The following GRID2 variants were observed in gnomAD, a reference collection of about 807,000 sequenced individuals.
GRID2 encodes glutamate receptor ionotropic, delta-2.
Under a neutral mutation model 114.8 loss-of-function variants are expected in GRID2, and 33 were observed. The observed-to-expected ratio is 0.29, with a 90% CI of 0.22 to 0.38. The LOEUF is 0.38. Ranked by LOEUF, GRID2 falls within the 10% of genes least tolerant of loss-of-function variation. The pLI is 1.00. For missense variants in GRID2, 1,184 were observed against 1,257.7 expected, an observed-to-expected ratio of 0.94 and a Z score of 0.89; for synonymous variants, 505 against 449.9, an observed-to-expected ratio of 1.12 and a Z score of -1.55.
At chr4:92,784,984 A>G (rs2149360725) in intron 2 of GRID2, among the ~76,000 whole-genome samples, 2 of 151,878 alleles carry the variant, frequency 1.3e-5, no homozygotes, top group Middle Eastern at 6.8e-3. Context: ...TTATATCATA[A>G]ATCCTTTTAG....
chr4:93,339,940 G>GAGCATTA (rs1272163515), intron 8 of GRID2, among the ~76,000 whole-genome samples: 2 of 152,086 alleles, frequency 1.3e-5, no homozygotes, highest in East Asian at 3.9e-4. Context: ...GAAGAGCATT[G>GAGCATTA]GGGAAACCGC....
At chr4:92,445,995 A>G (rs1026577216) in intron 1 of GRID2, among the ~76,000 whole-genome samples, 2 of 152,140 alleles carry the variant, frequency 1.3e-5, no homozygotes, top group South Asian at 2.1e-4. Context: ...CCCAGGCTGG[A>G]GTGCAGTGGC....
chr4:93,062,223 G>T (rs561199296), intron 2 of GRID2, among the ~76,000 whole-genome samples: 87 of 152,124 alleles, frequency 5.7e-4, no homozygotes, highest in African/African-American at 2.0e-3. Context: ...TATAAAATAT[G>T]CTGTATCTTT....
intron 2 of GRID2, among the ~76,000 whole-genome samples, chr4:92,952,137 G>A (rs1752083915): frequency 6.6e-6 from 1 of 152,160 alleles, no homozygotes; most frequent in African/African-American, 2.4e-5. Flanking sequence ...CAAAGGATTT[G>A]TACCAATGTG....
chr4:93,363,549 C>T (rs961513213), intron 8 of GRID2, among the ~76,000 whole-genome samples: 1 of 151,780 alleles, frequency 6.6e-6, no homozygotes, highest in Non-Finnish European at 1.5e-5. Flanking sequence ...CTAATTAATT[C>T]TTGTTTTGTT....
chr4:92,690,958 T>A (rs1734153918), intron 2 of GRID2, among the ~76,000 whole-genome samples: 1 of 152,084 alleles, frequency 6.6e-6, no homozygotes, highest in South Asian at 2.1e-4. Context: ...GAGAGTTAGT[T>A]TAGAATGATG....
At chr4:93,638,244 T>C (rs1316725682) in intron 14 of GRID2, among the ~76,000 whole-genome samples, 1 of 151,682 alleles carries the variant, frequency 6.6e-6, no homozygotes, top group African/African-American at 2.4e-5. Context: ...ATGATCAAAA[T>C]CAACATGTTT....
intron 1 of GRID2, among the ~76,000 whole-genome samples, chr4:92,353,253 A>T (rs1298199333): frequency 5.5e-5 from 8 of 144,996 alleles, no homozygotes; most frequent in Admixed American, 1.4e-4. Context: ...TGCTTTATCA[A>T]TTTTTTTTTT....
chr4:93,397,221 A>T (rs184861084), intron 9 of GRID2, among the ~76,000 whole-genome samples: 1 of 152,074 alleles, frequency 6.6e-6, no homozygotes, highest in Non-Finnish European at 1.5e-5. Context: ...CCCATAAATT[A>T]TTCCTAGTTA....
chr4:92,903,075 T>C (rs1000153899), intron 2 of GRID2, among the ~76,000 whole-genome samples: 1 of 151,988 alleles, frequency 6.6e-6, no homozygotes, highest in East Asian at 1.9e-4. Flanking sequence ...GGATTTTTTT[T>C]CCTAATTCTG....
chr4:93,033,119 A>G (rs1020177845), intron 2 of GRID2, among the ~76,000 whole-genome samples: 4 of 152,186 alleles, frequency 2.6e-5, no homozygotes, highest in Admixed American at 6.6e-5. Flanking sequence ...AGACCTATGC[A>G]TATTAATTTG....
intron 13 of GRID2, among the ~76,000 whole-genome samples, chr4:93,625,906 C>T (rs910777522): frequency 4.7e-5 from 7 of 149,532 alleles, no homozygotes; most frequent in African/African-American, 1.8e-4. Flanking sequence ...CAGAGCAAGA[C>T]TCCGTCTCAG....
At chr4:92,821,667 T>C (rs1387107932) in intron 2 of GRID2, among the ~76,000 whole-genome samples, 5 of 152,172 alleles carry the variant, frequency 3.3e-5, no homozygotes, top group Non-Finnish European at 1.5e-5. Context: ...TGTGTTGGAA[T>C]CTGCCTGCAT....
chr4:92,757,223 G>C (rs1460480529), intron 2 of GRID2, among the ~76,000 whole-genome samples: 1 of 151,990 alleles, frequency 6.6e-6, no homozygotes, highest in Admixed American at 6.6e-5. Context: ...TTAAGATTTT[G>C]CATGGAGAAT....
In GRID2 at chr4:92,519,722, C is replaced by T. The variant is rs193057730; in HGVS notation, c.89-70409C>T. ...GATCTCCATTTAGCAAGCTGAGACC[C>T]AGGAGAACCAATGGTGTAGTGGTTT... is the stretch of plus-strand genomic sequence containing the variant. On this transcript the variant is annotated intron_variant, in intron 1 of 15. Coordinates refer to ENST00000282020, the MANE Select transcript of GRID2 (RefSeq NM_001510.4). Among the ~76,000 whole-genome samples the T allele has an allele frequency of 3.7e-3, 561 of 151,768 alleles. 2 individuals are homozygous for T. Among genetic ancestry groups the T allele is most frequent in the African/African-American group, 0.012 (500 of 41,420 alleles).
At chr4:92,622,421 A>G (rs919137735) in intron 2 of GRID2, among the ~76,000 whole-genome samples, 1 of 151,670 alleles carries the variant, frequency 6.6e-6, no homozygotes, top group Non-Finnish European at 1.5e-5. Context: ...GACTCTCCTA[A>G]TATATGTTAA....
intron 2 of GRID2, among the ~76,000 whole-genome samples, chr4:93,002,253 G>GA (rs554968790): frequency 8.6e-5 from 13 of 151,192 alleles, no homozygotes; most frequent in Admixed American, 3.3e-4. Context: ...ACATTTTATG[G>GA]AAAAAATTAA....
intron 14 of GRID2, among the ~76,000 whole-genome samples, chr4:93,649,458 C>A (rs1722395405): frequency 6.6e-6 from 1 of 151,940 alleles, no homozygotes; most frequent in Admixed American, 6.6e-5. Context: ...GTCATTAAAG[C>A]TTGTTTGGTT....
chr4:92,312,751 CT>C (rs1467391701), intron 1 of GRID2, among the ~76,000 whole-genome samples: 2 of 151,928 alleles, frequency 1.3e-5, no homozygotes, highest in African/African-American at 4.8e-5. Context: ...ATATAGACTC[CT>C]GTAAGAATAG....
Sources: gnomAD v4.1 joint callset for allele counts (sites outside exome capture counted in the v4.1 genomes callset) on GRCh38, gnomAD v4.1.1 for gene constraint, MANE v1.5 for transcripts, NCBI Gene and HGNC (gene_info 2026-07-23, HGNC 2026-07-21) for gene names.